Variants in FSTL5 observed in about 807,000 individuals in gnomAD.
The protein encoded by FSTL5 is follistatin-related protein 5.
In FSTL5, 62 loss-of-function variants were observed where a neutral mutation model predicts 89.1. The observed-to-expected ratio is 0.70, with a 90% CI of 0.57 to 0.86. FSTL5 has a LOEUF of 0.86. FSTL5 is among the 40% of genes least tolerant of loss of function. FSTL5 has a pLI of 0.00. For missense variants in FSTL5, 1,057 were observed against 1,001.6 expected (o/e 1.06, Z -0.75); for synonymous variants, 383 against 346.2 (o/e 1.11, Z -1.18).
chr4:161,693,574 C>T (rs1030943479), intron 6 of FSTL5, among the ~76,000 whole-genome samples: 13 of 150,602 alleles, frequency 8.6e-5, no homozygotes, highest in Middle Eastern at 3.5e-3. Flanking sequence ...AGAAATTTGT[C>T]CATTTCATCT....
At chr4:161,724,258 T>G (rs1039903083) in intron 6 of FSTL5, among the ~76,000 whole-genome samples, 5 of 152,146 alleles carry the variant, frequency 3.3e-5, no homozygotes, top group Admixed American at 1.3e-4. Flanking sequence ...ATATTACTCC[T>G]GCTCCTGAGC....
intron 12 of FSTL5, among the ~76,000 whole-genome samples, chr4:161,491,673 T>C (rs1383278105): frequency 6.6e-6 from 1 of 151,950 alleles, no homozygotes; most frequent in East Asian, 1.9e-4. Context: ...AAACCCCGTC[T>C]CTACTAAAAA....
rs574591291 is a variant in FSTL5 at position 162,023,917 on chromosome 4, G to C, written c.160+9708C>G. On this transcript the variant is annotated intron_variant, in intron 3 of 15. Transcript: ENST00000306100. ...ATGGGTATCCCACAAAAATGGCCTG[G>C]GATTTCAGTAAGTCATTCCATAAAA... 7.6e-4 allele frequency among the ~76,000 whole-genome samples: 115 copies of C among 152,142 alleles called. 5 individuals carry two copies. In the South Asian group the frequency reaches 0.024, roughly 31 times the overall value.
intron 13 of FSTL5, among the ~76,000 whole-genome samples, chr4:161,471,898 C>T (rs113757980): frequency 0.02 from 3,094 of 152,068 alleles, 122 homozygotes; most frequent in African/African-American, 0.07. Context: ...ATAGTAATGG[C>T]CCCGCATTCA....
chr4:161,538,060 G>A (rs1034318971), intron 10 of FSTL5, 106 bp downstream of exon 10: 10 of 943,822 alleles, frequency 1.1e-5, no homozygotes, highest in Non-Finnish European at 1.5e-5. Flanking sequence ...TTGTTATAAT[G>A]CATTGTGCAA....
At chr4:161,645,543 G>A (rs1288747293) in intron 7 of FSTL5, among the ~76,000 whole-genome samples, 1 of 152,080 alleles carries the variant, frequency 6.6e-6, no homozygotes, top group East Asian at 1.9e-4. Context: ...TAAATCAGGA[G>A]TAAAAAGTTA....
At chr4:161,836,067 A>G (rs1731028575) in intron 4 of FSTL5, among the ~76,000 whole-genome samples, 2 of 152,108 alleles carry the variant, frequency 1.3e-5, no homozygotes. Flanking sequence ...ATGTCCAACA[A>G]TGATAGACTG....
intron 15 of FSTL5, among the ~76,000 whole-genome samples, chr4:161,450,052 C>A (rs567250658): frequency 1.3e-5 from 2 of 152,164 alleles, no homozygotes; most frequent in Non-Finnish European, 2.9e-5. Flanking sequence ...GTAGTTCTCA[C>A]TTTCATCCCC....
chr4:161,608,616 CTA>C (rs554780168), intron 7 of FSTL5, among the ~76,000 whole-genome samples: 123 of 151,948 alleles, frequency 8.1e-4, no homozygotes, highest in African/African-American at 2.8e-3. Flanking sequence ...AAAATCATGA[CTA>C]TGAATCTTTA....
chr4:161,716,054 A>G (rs1268333312), intron 6 of FSTL5, among the ~76,000 whole-genome samples: 1 of 152,110 alleles, frequency 6.6e-6, no homozygotes, highest in East Asian at 1.9e-4. Context: ...CTTACATAAC[A>G]TTATGCCTTG....
At chr4:162,076,344 T>C (rs574927206) in intron 2 of FSTL5, among the ~76,000 whole-genome samples, 2 of 152,032 alleles carry the variant, frequency 1.3e-5, no homozygotes, top group South Asian at 4.1e-4. Flanking sequence ...TTGTCAAGAA[T>C]CTTTGTATAA....
rs192784977 is a variant in FSTL5, at chr4:161,539,247, A to G, written c.1178-947T>C. On this transcript the variant is annotated intron_variant, in intron 9 of 15. Coordinates refer to ENST00000306100, the MANE Select transcript of FSTL5 (RefSeq NM_020116.5). ...TGTGTGTTCCATGTTGTTCAGTTACAAGAACCACACAAGCAGTAGAACGGG... is the reference window on the plus strand; with the variant it reads ...TGTGTGTTCCATGTTGTTCAGTTACGAGAACCACACAAGCAGTAGAACGGG... Among the ~76,000 whole-genome samples the G allele has an allele frequency of 4.0e-5, 6 of 151,630 alleles. No individual in the cohort carries two copies. In the East Asian group the frequency reaches 1.2e-3, roughly 30 times the overall value.
At chr4:161,446,785 C>T (rs1390638354) in intron 15 of FSTL5, among the ~76,000 whole-genome samples, 2 of 151,900 alleles carry the variant, frequency 1.3e-5, no homozygotes, top group East Asian at 1.9e-4. Context: ...TTCATTACAT[C>T]GTATCTTAAC....
chr4:161,795,925 G>A (rs1223058145), intron 4 of FSTL5, among the ~76,000 whole-genome samples: 1 of 151,704 alleles, frequency 6.6e-6, no homozygotes, highest in African/African-American at 2.4e-5. Flanking sequence ...GGCTTTTGGG[G>A]GTCTTTTTTG....
chr4:161,885,068 A>G (rs1732763792), intron 4 of FSTL5, among the ~76,000 whole-genome samples: 1 of 152,172 alleles, frequency 6.6e-6, no homozygotes, highest in African/African-American at 2.4e-5. Flanking sequence ...AAGTAAAAAG[A>G]TAGATATTAT....
At chr4:161,743,037 T>C (rs1301649903) in intron 6 of FSTL5, among the ~76,000 whole-genome samples, 1 of 152,192 alleles carries the variant, frequency 6.6e-6, no homozygotes, top group African/African-American at 2.4e-5. Flanking sequence ...TTGATAGTGT[T>C]CTTTGATGCA....
chr4:161,883,892 C>T (rs1215538340), intron 4 of FSTL5, among the ~76,000 whole-genome samples: 1 of 152,104 alleles, frequency 6.6e-6, no homozygotes, highest in Non-Finnish European at 1.5e-5. Context: ...ATTTCCTCAA[C>T]TCTTTGAATA....
intron 1 of FSTL5, among the ~76,000 whole-genome samples, chr4:162,159,225 T>C (rs1733600845): frequency 6.6e-6 from 1 of 152,080 alleles, no homozygotes. Flanking sequence ...TTGGGGAATA[T>C]AGTTCAGGTG....
chr4:161,454,487 ACATTT>A lies in FSTL5; in HGVS notation c.1841+512_1841+516del, dbSNP rs149302733. Among the ~76,000 whole-genome samples, 999 of 152,320 alleles carry A rather than the reference ACATTT, an allele frequency of 6.6e-3. 10 individuals carry two copies. The highest frequency in any genetic ancestry group is 0.023 in the African/African-American group (944 of 41,562). On this transcript the variant is annotated intron_variant, in intron 15 of 15. Coordinates refer to ENST00000306100, the MANE Select transcript of FSTL5 (RefSeq NM_020116.5). The stretch of plus-strand genomic sequence containing the variant: ...TCTTTTCTCAAAGTGCAGACCTGAA[ACATTT>A]CATTTCAACTTCTTGTATTTCCTAA...
Sources: gnomAD v4.1 joint callset for allele counts (sites outside exome capture counted in the v4.1 genomes callset) on GRCh38, gnomAD v4.1.1 for gene constraint, MANE v1.5 for transcripts, NCBI Gene and HGNC (gene_info 2026-07-23, HGNC 2026-07-21) for gene names.